Variants in ERCC1 observed in about 807,000 individuals in gnomAD.
ERCC1 encodes ERCC excision repair 1, endonuclease non-catalytic subunit.
In ERCC1, 36 loss-of-function variants were observed where a neutral mutation model predicts 37.6. The ratio of observed to expected loss-of-function variants is 0.96; its 90% CI spans 0.73 to 1.26. ERCC1 has a LOEUF of 1.26. Ranked by LOEUF, ERCC1 falls within the 50% of genes most tolerant of loss-of-function variation. ERCC1 has a pLI of 0.00. For synonymous variants in ERCC1, 156 were observed against 162.1 expected (o/e 0.96, Z 0.28); for missense variants, 349 against 376.5 (o/e 0.93, Z 0.60).
At position 45,409,531 on chromosome 19, in the gene ERCC1, A is replaced by C. The variant is rs1233230614; in HGVS notation, c.*144T>G. On this transcript the variant is annotated 3_prime_UTR_variant, in exon 10 of 10. Coordinates refer to ENST00000300853, the MANE Select transcript of ERCC1 (RefSeq NM_001983.4). ...CCCCCGGGAAACTGAGGAACTAAAG[A>C]AAGCTGAAGGTGCCCACCTGGGCCA... 1 of 1,582,742 alleles carries C rather than the reference A, an allele frequency of 6.3e-7. No individual in the cohort carries two copies. Among genetic ancestry groups the C allele is most frequent in the East Asian group, 2.3e-5 (1 of 43,452 alleles).
chr19:45,445,950 G>T (rs533482318), intron 1 of ERCC1, among the ~76,000 whole-genome samples: 11 of 152,086 alleles, frequency 7.2e-5, no homozygotes, highest in Non-Finnish European at 5.9e-5. Flanking sequence ...GTGCAATGGC[G>T]TGGTCTCGGC....
At position 45,409,243 on chromosome 19, in the gene ERCC1, G is replaced by T. The variant is rs762674257; in HGVS notation, c.*432C>A. On this transcript the variant is annotated 3_prime_UTR_variant, in exon 10 of 10. Coordinates refer to ENST00000300853, the MANE Select transcript of ERCC1 (RefSeq NM_001983.4). ...CTCCCACATCCACCAAGAAGAAGAA[G>T]AAGAAGAAAGAGAGAGGTCACACAG... The T allele has an allele frequency of 6.2e-7, 1 of 1,613,664 alleles. No homozygotes were observed. Among genetic ancestry groups the T allele is most frequent in the Non-Finnish European group, 8.5e-7 (1 of 1,179,800 alleles).
At chr19:45,430,496 C>T (rs776306366) in intron 1 of ERCC1, among the ~76,000 whole-genome samples, 18 of 152,254 alleles carry the variant, frequency 1.2e-4, no homozygotes, top group Non-Finnish European at 2.4e-4. Flanking sequence ...CAAAGGTGTT[C>T]GGTTTCCAGC....
At chr19:45,445,408 C>A (rs1367929348) in intron 1 of ERCC1, among the ~76,000 whole-genome samples, 1 of 152,168 alleles carries the variant, frequency 6.6e-6, no homozygotes, top group African/African-American at 2.4e-5. Context: ...GCTCTCTGTT[C>A]TGGAAGCTTA....
At chr19:45,426,561 A>G (rs1599848677), upstream of ERCC1, among the ~76,000 whole-genome samples, 7 of 151,158 alleles carry the variant, frequency 4.6e-5, no homozygotes, top group South Asian at 1.5e-3. Flanking sequence ...CAAAAAAAAA[A>G]AAAAAATTTT....
intron 1 of ERCC1, among the ~76,000 whole-genome samples, chr19:45,432,618 A>C (rs1200490230): frequency 6.6e-6 from 1 of 152,054 alleles, no homozygotes; most frequent in Non-Finnish European, 1.5e-5. Flanking sequence ...GTCATAACTC[A>C]CTGCACGCTT....
In ERCC1 at chr19:45,407,954, TGAGGCAG is replaced by T; in HGVS notation, c.*1714_*1720del. On this transcript the variant is annotated 3_prime_UTR_variant, in exon 10 of 10. Coordinates refer to ENST00000300853, the MANE Select transcript of ERCC1 (RefSeq NM_001983.4). ...CTGTAATCCCAGCTACTTGAGAGGC[TGAGGCAG>T]GAGAATCGCTTGAACCCAGGAGGTG... The T allele has an allele frequency of 1.3e-6, 1 of 746,136 alleles. No individual in the cohort carries two copies. Among genetic ancestry groups the T allele is most frequent in the Non-Finnish European group, 2.0e-6 (1 of 507,510 alleles). 46.2% of individuals were successfully genotyped at this position (746,136 alleles called of 1,614,324 possible). A position where few individuals can be genotyped will look rare whatever the true frequency, so the allele number is the denominator to read the frequency against.
rs150941977 is a variant in ERCC1, at chr19:45,409,061, G to A, written c.*614C>T. The A allele has an allele frequency of 3.8e-5, 61 of 1,613,736 alleles. No individual in the cohort carries two copies. The African/African-American group carries it at 6.9e-4, about 18-fold the overall frequency. ...TCTGGAGTCCCCAGGGGGGACCATG[G>A]CGCCTCAACAGCCAGAAGGAGCGAA... On this transcript the variant is annotated 3_prime_UTR_variant, in exon 10 of 10. Transcript: ENST00000300853.
rs910483488 is a variant in ERCC1, at chr19:45,407,399, G to A, written c.*2276C>T. The A allele has an allele frequency of 9.5e-6, 6 of 628,878 alleles. No homozygotes were observed. The highest frequency in any genetic ancestry group is 5.7e-5 in the African/African-American group (3 of 52,236). 39.0% of individuals were successfully genotyped at this position (628,878 alleles called of 1,614,324 possible). ...CAGAGTAGAGTGTCCTCAGAAAGCAGGGGGAGAAACCCACAGCCCTTTGTT... is the reference window on the plus strand; with the variant it reads ...CAGAGTAGAGTGTCCTCAGAAAGCAAGGGGAGAAACCCACAGCCCTTTGTT... On this transcript the variant is annotated 3_prime_UTR_variant, in exon 10 of 10. Transcript: ENST00000300853.
At chr19:45,412,041 A>C (rs1973773330) in intron 9 of ERCC1, among the ~76,000 whole-genome samples, 1 of 150,482 alleles carries the variant, frequency 6.6e-6, no homozygotes, top group African/African-American at 2.4e-5. Flanking sequence ...TTGTATTTTT[A>C]GTAGAGACGG....
upstream of ERCC1, among the ~76,000 whole-genome samples, chr19:45,427,860 C>G (rs1157903656): frequency 6.6e-6 from 1 of 152,128 alleles, no homozygotes; most frequent in African/African-American, 2.4e-5. Context: ...GGGCAGGACC[C>G]CCTAGAAGGC....
intron 1 of ERCC1, among the ~76,000 whole-genome samples, chr19:45,438,294 C>T (rs904504289): frequency 2.0e-5 from 3 of 152,170 alleles, no homozygotes; most frequent in African/African-American, 7.2e-5. Context: ...TCTCCAACTC[C>T]TGGGCTCAAG....
At chr19:45,424,260 TC>T (rs762744564), upstream of ERCC1, 1 of 164,906 alleles carries the variant, frequency 6.1e-6, no homozygotes, top group Non-Finnish European at 1.3e-5. Context: ...CTTCCTCTCT[TC>T]CCGGTCCTGT....
chr19:45,409,108 G>C lies in ERCC1; in HGVS notation c.*567C>G. The C allele has an allele frequency of 6.2e-7, 1 of 1,613,170 alleles. No individual in the cohort carries two copies. Among genetic ancestry groups the C allele is most frequent in the Middle Eastern group, 1.7e-4 (1 of 6,056 alleles). ...CGAAGCCTCAGGCCCAGGCAGCTCT[G>C]GCAGCTCCCAAAAAGAAGACGAAGA... On this transcript the variant is annotated 3_prime_UTR_variant, in exon 10 of 10. Transcript: ENST00000300853.
At chr19:45,429,757 GC>G (rs1294118360) in intron 1 of ERCC1, among the ~76,000 whole-genome samples, 2 of 152,014 alleles carry the variant, frequency 1.3e-5, no homozygotes, top group Non-Finnish European at 2.9e-5. Context: ...AGGACCTGGT[GC>G]CCAGGGCAAT....
intron 1 of ERCC1, among the ~76,000 whole-genome samples, chr19:45,442,543 C>A (rs372086676): frequency 7.2e-5 from 11 of 152,234 alleles, no homozygotes; most frequent in Middle Eastern, 3.4e-3. Flanking sequence ...GTAGGCCAGA[C>A]CCCATTGCTA....
chr19:45,409,896 T>A (rs1382361233), intron 9 of ERCC1, 171 bp from the exon 10 acceptor site: 5 of 159,420 alleles, frequency 3.1e-5, no homozygotes, highest in South Asian at 2.8e-4. Context: ...ATTATTATTA[T>A]TTTTTTTTTT....
intron 1 of ERCC1, among the ~76,000 whole-genome samples, chr19:45,433,852 GC>G (rs1974897671): frequency 6.6e-6 from 1 of 151,980 alleles, no homozygotes; most frequent in Non-Finnish European, 1.5e-5. Context: ...GAGAGACCTG[GC>G]TGGGCACAGT....
At chr19:45,442,956 G>T (rs1234604121) in intron 1 of ERCC1, among the ~76,000 whole-genome samples, 1 of 151,962 alleles carries the variant, frequency 6.6e-6, no homozygotes, top group Non-Finnish European at 1.5e-5. Flanking sequence ...AGCCGGCTTA[G>T]TTATGACGTC....
Sources: allele counts gnomAD v4.1 joint callset (sites outside exome capture counted in the v4.1 genomes callset), GRCh38; gene constraint gnomAD v4.1.1; transcripts MANE v1.5; gene names NCBI Gene and HGNC (gene_info 2026-07-23, HGNC 2026-07-21).